Variants in KREMEN1 observed in about 807,000 individuals in gnomAD.
The protein encoded by KREMEN1 is kremen protein 1.
KREMEN1 carries 30 observed loss-of-function variants against 46.5 expected under a neutral mutation model. That is an observed-to-expected ratio of 0.65 (90% CI 0.48 to 0.88). KREMEN1 has a LOEUF of 0.88. Ranked by LOEUF, KREMEN1 falls within the 40% of genes least tolerant of loss-of-function variation. The pLI is 0.00. For synonymous variants in KREMEN1, 214 were observed against 230.6 expected (o/e 0.93, Z 0.65); for missense variants, 533 against 596.9 (o/e 0.89, Z 1.11).
intron 3 of KREMEN1, among the ~76,000 whole-genome samples, chr22:29,106,364 G>A (rs1191412287): frequency 6.6e-6 from 1 of 151,686 alleles, no homozygotes; most frequent in Non-Finnish European, 1.5e-5. Flanking sequence ...GGGACTCCAG[G>A]CGCCCGCCAT....
Position 29,136,014 on chromosome 22 carries a change from C to T in KREMEN1, c.632-1328C>T, listed in dbSNP as rs146065309. Among the ~76,000 whole-genome samples, 515 of 152,114 alleles carry T rather than the reference C, an allele frequency of 3.4e-3. 5 individuals are homozygous for T. The highest frequency in any genetic ancestry group is 0.012 in the African/African-American group (495 of 41,504). On this transcript the variant is annotated intron_variant, in intron 5 of 8. Transcript: ENST00000400335. ...TCGGCTCACTGCAACCTCCAGCTCC[C>T]GGGTTCAAGAAATTCTCCCGTCTCA...
At chr22:29,078,683 G>A (rs576059281) in intron 1 of KREMEN1, among the ~76,000 whole-genome samples, 2 of 152,234 alleles carry the variant, frequency 1.3e-5, no homozygotes, top group South Asian at 4.1e-4. Flanking sequence ...CAAGTTGATT[G>A]TGCTTGTACT....
intron 3 of KREMEN1, among the ~76,000 whole-genome samples, chr22:29,101,891 A>G (rs1309742243): frequency 6.6e-6 from 1 of 152,240 alleles, no homozygotes; most frequent in Non-Finnish European, 1.5e-5. Flanking sequence ...GAGATACATG[A>G]CTATACTTTT....
Position 29,143,822 on chromosome 22 carries a change from G to C in KREMEN1, c.*1710G>C, listed in dbSNP as rs2038809427. 2 of 985,408 alleles carry C rather than the reference G, an allele frequency of 2.0e-6. No individual in the cohort carries two copies. The highest frequency in any genetic ancestry group is 9.4e-5 in the South Asian group (2 of 21,272). The allele number at this position is 985,408 out of a possible 1,614,324, so 61.0% of individuals were successfully genotyped here. A position where few individuals can be genotyped will look rare whatever the true frequency, so the allele number is the denominator to read the frequency against. On this transcript the variant is annotated 3_prime_UTR_variant, in exon 9 of 9. Transcript: ENST00000400335. Reference sequence around the variant, plus strand: ...ACCAAGTGGGGTTAGGAATGGCTCAGTGGGGAAGGAGAGCACTCTTGTCCC... The same window carrying C: ...ACCAAGTGGGGTTAGGAATGGCTCACTGGGGAAGGAGAGCACTCTTGTCCC...
intron 6 of KREMEN1, among the ~76,000 whole-genome samples, chr22:29,138,023 C>T (rs1231757536): frequency 6.6e-6 from 1 of 152,218 alleles, no homozygotes; most frequent in Non-Finnish European, 1.5e-5. Flanking sequence ...TCTGGTCCGT[C>T]CTCCTTCCTC....
chr22:29,159,961 C>T (rs879876115), intron 9 of KREMEN1, among the ~76,000 whole-genome samples: 2 of 152,046 alleles, frequency 1.3e-5, no homozygotes, highest in African/African-American at 2.4e-5. Context: ...TGGAGGACTT[C>T]AACACCCCAC....
At chr22:29,134,272 G>A (rs9625717) in intron 5 of KREMEN1, among the ~76,000 whole-genome samples, 46 of 151,792 alleles carry the variant, frequency 3.0e-4, no homozygotes, top group Non-Finnish European at 4.7e-4. Flanking sequence ...ATCCTCCTGC[G>A]TCAGAACCCT....
intron 5 of KREMEN1, among the ~76,000 whole-genome samples, chr22:29,132,583 G>A (rs1460881599): frequency 6.6e-6 from 1 of 152,190 alleles, no homozygotes; most frequent in Non-Finnish European, 1.5e-5. Flanking sequence ...TAGTAGGTAT[G>A]TAGTAGTATC....
chr22:29,096,367 T>G (rs932220948), intron 2 of KREMEN1, among the ~76,000 whole-genome samples: 1 of 152,234 alleles, frequency 6.6e-6, no homozygotes, highest in Non-Finnish European at 1.5e-5. Context: ...AGTCTGACTT[T>G]AAGGTAAATT....
Position 29,079,185 on chromosome 22 carries a change from G to A in KREMEN1, c.97+5958G>A, listed in dbSNP as rs6005981. Among the ~76,000 whole-genome samples the A allele has an allele frequency of 6.2e-3, 939 of 152,272 alleles. 10 individuals are homozygous for A. Among genetic ancestry groups the A allele is most frequent in the African/African-American group, 0.022 (903 of 41,530 alleles). ...ACACCTCACAAATAACTACTCCACA[G>A]AAACGTGACTTCTCTTCTAAGGGAA... On this transcript the variant is annotated intron_variant, in intron 1 of 8. Coordinates refer to ENST00000400335, the MANE Select transcript of KREMEN1 (RefSeq NM_001039570.3).
At chr22:29,108,754 G>A (rs1043870211) in intron 3 of KREMEN1, among the ~76,000 whole-genome samples, 1 of 152,188 alleles carries the variant, frequency 6.6e-6, no homozygotes. Flanking sequence ...GTGGCCTGTT[G>A]CAGCACTGAA....
At chr22:29,109,630 C>T (rs1481203636) in intron 3 of KREMEN1, among the ~76,000 whole-genome samples, 1 of 152,084 alleles carries the variant, frequency 6.6e-6, no homozygotes, top group Non-Finnish European at 1.5e-5. Flanking sequence ...CAAAAAGGAA[C>T]CAGGTCAGAC....
At chr22:29,090,469 A>T (rs986100739) in intron 1 of KREMEN1, among the ~76,000 whole-genome samples, 2 of 152,200 alleles carry the variant, frequency 1.3e-5, no homozygotes, top group African/African-American at 2.4e-5. Flanking sequence ...CACCCCTGTG[A>T]CATGAGTTTA....
chr22:29,136,574 C>CA (rs111377881), intron 5 of KREMEN1, among the ~76,000 whole-genome samples: 13,537 of 125,488 alleles, frequency 0.11, 709 homozygotes, highest in South Asian at 0.17. Context: ...GACTCCTTCT[C>CA]AAAAAAAAAA....
intron 3 of KREMEN1, 86 bp from the exon 4 acceptor site, chr22:29,121,271 G>C (rs1226308287): frequency 6.6e-7 from 1 of 1,517,580 alleles, no homozygotes; most frequent in African/African-American, 1.4e-5. Context: ...TGGCTGAGAT[G>C]AAAGTACCTG....
rs987238278 is a variant in KREMEN1, at chr22:29,145,450, CT to C, written c.*3339del. The C allele has an allele frequency of 1.0e-6, 1 of 985,486 alleles. No homozygotes were observed. Among genetic ancestry groups the C allele is most frequent in the African/African-American group, 1.7e-5 (1 of 57,254 alleles). 61.0% of individuals were successfully genotyped at this position (985,486 alleles called of 1,614,324 possible). Reference sequence around the variant, plus strand: ...CTGGGCCTGCGTGCCATCCTCACCCCTGTTCCCCGCTGGCGCCAGGCCCTGC... The same window carrying C: ...CTGGGCCTGCGTGCCATCCTCACCCCGTTCCCCGCTGGCGCCAGGCCCTGC... On this transcript the variant is annotated 3_prime_UTR_variant, in exon 9 of 9. Coordinates refer to ENST00000400335, the MANE Select transcript of KREMEN1 (RefSeq NM_001039570.3).
intron 5 of KREMEN1, among the ~76,000 whole-genome samples, chr22:29,134,464 G>A (rs1023080546): frequency 6.6e-6 from 1 of 152,108 alleles, no homozygotes; most frequent in Non-Finnish European, 1.5e-5. Flanking sequence ...GCCTCCAGTA[G>A]ATTATTTACC....
At chr22:29,148,840 G>A (rs1240200284), downstream of KREMEN1, among the ~76,000 whole-genome samples, 1 of 152,120 alleles carries the variant, frequency 6.6e-6, no homozygotes, top group Non-Finnish European at 1.5e-5. Context: ...GCTTGGCCAG[G>A]TGAAATCTCC....
At position 29,143,282 on chromosome 22, in the gene KREMEN1, T is replaced by C. The variant is rs1306606398; in HGVS notation, c.*1170T>C. On this transcript the variant is annotated 3_prime_UTR_variant, in exon 9 of 9. Transcript: ENST00000400335. The stretch of plus-strand genomic sequence containing the variant: ...ATCAGCCTTGCCACTGAGCAGCTCA[T>C]GGTCCTATGGAACCTGAGCCAGGCC... 1.0e-6 allele frequency: 1 copy of C among 985,490 alleles called. No homozygotes were observed. Among genetic ancestry groups the C allele is most frequent in the Non-Finnish European group, 1.2e-6 (1 of 829,936 alleles). 61.0% of individuals were successfully genotyped at this position (985,490 alleles called of 1,614,324 possible). A position where few individuals can be genotyped will look rare whatever the true frequency, so the allele number is the denominator to read the frequency against.
Sources: gnomAD v4.1 joint callset for allele counts (sites outside exome capture counted in the v4.1 genomes callset) on GRCh38, gnomAD v4.1.1 for gene constraint, MANE v1.5 for transcripts, NCBI Gene and HGNC (gene_info 2026-07-23, HGNC 2026-07-21) for gene names.